SYNPR: variants seen among roughly 807,000 people sequenced by gnomAD.
The protein encoded by SYNPR is synaptoporin.
SYNPR carries 23 observed loss-of-function variants against 32.9 expected under a neutral mutation model. The ratio of observed to expected loss-of-function variants is 0.70; its 90% CI spans 0.50 to 0.99. The LOEUF (loss-of-function observed/expected upper bound fraction) is 0.99. SYNPR is among the 50% of genes least tolerant of loss of function. The pLI, the probability that SYNPR is intolerant of heterozygous loss-of-function variation, is 0.00. For synonymous variants in SYNPR, 146 were observed against 135.9 expected, an observed-to-expected ratio of 1.07 and a Z score of -0.52; for missense variants, 318 against 349.3, an observed-to-expected ratio of 0.91 and a Z score of 0.71.
intron 2 of SYNPR, among the ~76,000 whole-genome samples, chr3:63,437,434 C>T (rs889035073): frequency 2.0e-5 from 3 of 151,920 alleles, no homozygotes; most frequent in East Asian, 3.9e-4. Flanking sequence ...TTGTGTTAGT[C>T]GGGTTTCAGG....
At chr3:63,274,164 C>G (rs895474880), upstream of SYNPR, among the ~76,000 whole-genome samples, 1 of 152,126 alleles carries the variant, frequency 6.6e-6, no homozygotes, top group African/African-American at 2.4e-5. Flanking sequence ...AGTGTTTCCT[C>G]CTGTATTAAG....
upstream of SYNPR, among the ~76,000 whole-genome samples, chr3:63,276,598 C>G (rs1041531919): frequency 2.6e-5 from 4 of 151,562 alleles, no homozygotes; most frequent in African/African-American, 9.7e-5. Context: ...AGGGTACACA[C>G]TAAGTAATTG....
chr3:63,370,180 G>A (rs975824220), intron 2 of SYNPR, among the ~76,000 whole-genome samples: 6 of 152,166 alleles, frequency 3.9e-5, no homozygotes, highest in African/African-American at 9.6e-5. Context: ...TCCACATGAA[G>A]TGGACATGTT....
At chr3:63,568,762 G>C (rs1317098873) in intron 4 of SYNPR, among the ~76,000 whole-genome samples, 5 of 152,148 alleles carry the variant, frequency 3.3e-5, no homozygotes, top group African/African-American at 1.2e-4. Context: ...TTACCAAGAA[G>C]AAATTGAGGC....
chr3:63,250,436 G>A (rs1456731282), intron 1 of SYNPR, among the ~76,000 whole-genome samples: 2 of 152,114 alleles, frequency 1.3e-5, no homozygotes, highest in Non-Finnish European at 2.9e-5. Context: ...CCTTTCTGAA[G>A]TGCCTGCTAT....
intron 1 of SYNPR, among the ~76,000 whole-genome samples, chr3:63,242,875 C>T (rs796375113): frequency 1.3e-5 from 2 of 151,834 alleles, no homozygotes; most frequent in African/African-American, 4.8e-5. Flanking sequence ...ATGAATAGTA[C>T]AGGTTTGAAA....
Position 63,363,956 on chromosome 3 carries a change from TCAC to T in SYNPR, c.84+85218_84+85220del, listed in dbSNP as rs1328571170. Among the ~76,000 whole-genome samples the T allele has an allele frequency of 8.5e-5, 13 of 152,334 alleles. No individual in the cohort carries two copies. The East Asian group carries it at 2.5e-3, about 29-fold the overall frequency. On this transcript the variant is annotated intron_variant, in intron 2 of 5. Coordinates refer to ENST00000478300, the MANE Select transcript of SYNPR (RefSeq NM_001130003.2). The stretch of plus-strand genomic sequence containing the variant: ...ATATTAAGTATGAAAAGGAAATTTA[TCAC>T]CACAACCTTATTACTTCTATTGTCC...
intron 2 of SYNPR, chr3:63,330,213 G>T (rs1046658742): frequency 6.6e-6 from 1 of 152,078 alleles, no homozygotes; most frequent in African/African-American, 2.4e-5. Flanking sequence ...TGACTGGACT[G>T]GGTCAGTTTC....
Position 63,609,265 on chromosome 3 carries a change from C to T in SYNPR, c.549C>T (p.Asn183=), listed in dbSNP as rs200360020. Residue 183 remains asparagine, a synonymous_variant, in exon 5 of 6, where the codon AAC becomes AAT. Transcript: ENST00000478300. ...LLMSACKQPS[N]KCMAIHSPVM... Reference sequence around the variant, plus strand: ...TGTCAGCTTGCAAACAGCCATCCAACAAATGCATGGCTATCCACAGCCCTG... The same window carrying T: ...TGTCAGCTTGCAAACAGCCATCCAATAAATGCATGGCTATCCACAGCCCTG... The T allele has an allele frequency of 2.2e-3, 3,523 of 1,604,934 alleles. 7 individuals are homozygous for T. Among genetic ancestry groups the T allele is most frequent in the Non-Finnish European group, 2.8e-3 (3,331 of 1,175,350 alleles).
chr3:63,355,995 GC>G (rs1316082437), intron 2 of SYNPR, among the ~76,000 whole-genome samples: 1 of 152,148 alleles, frequency 6.6e-6, no homozygotes, highest in African/African-American at 2.4e-5. Context: ...GATCTTCTCT[GC>G]CCCTTTTCAG....
intron 4 of SYNPR, among the ~76,000 whole-genome samples, chr3:63,571,460 G>A (rs944216600): frequency 2.6e-5 from 4 of 151,924 alleles, no homozygotes; most frequent in Non-Finnish European, 4.4e-5. Flanking sequence ...ACGCTTATCT[G>A]TTTTCTGGTT....
At chr3:63,474,694 G>T (rs1177515292) in intron 2 of SYNPR, among the ~76,000 whole-genome samples, 4 of 152,060 alleles carry the variant, frequency 2.6e-5, no homozygotes, top group Admixed American at 2.6e-4. Flanking sequence ...TTGTTTGTTG[G>T]CAAACTCAAC....
At chr3:63,408,879 C>A (rs2088424488) in intron 2 of SYNPR, among the ~76,000 whole-genome samples, 1 of 152,094 alleles carries the variant, frequency 6.6e-6, no homozygotes, top group African/African-American at 2.4e-5. Flanking sequence ...CAAGTTGACA[C>A]CTAAAGTTAA....
chr3:63,484,127 A>C (rs1190472017), intron 3 of SYNPR, among the ~76,000 whole-genome samples: 1 of 152,206 alleles, frequency 6.6e-6, no homozygotes, highest in Non-Finnish European at 1.5e-5. Flanking sequence ...AATATGCCGA[A>C]GTGCATATCT....
chr3:63,283,857 G>C (rs1364371451), intron 2 of SYNPR, among the ~76,000 whole-genome samples: 1 of 126,838 alleles, frequency 7.9e-6, no homozygotes, highest in Non-Finnish European at 1.6e-5. Context: ...TCGCTAGGCT[G>C]CCCAGGCTGG....
Position 63,467,448 on chromosome 3 carries a change from T to A in SYNPR, c.85-13384T>A, listed in dbSNP as rs1045609664. ...TCCTTTTGGTATAGTTATAAACTCA[T>A]GAATTTAAACTATCTTTATCTGTGT... is the stretch of plus-strand genomic sequence containing the variant. On this transcript the variant is annotated intron_variant, in intron 2 of 5. Transcript: ENST00000478300. 4.6e-5 allele frequency among the ~76,000 whole-genome samples: 7 copies of A among 152,352 alleles called. No individual in the cohort carries two copies. In the South Asian group the frequency reaches 1.4e-3, roughly 32 times the overall value.
At chr3:63,498,059 T>G (rs978059743) in intron 3 of SYNPR, among the ~76,000 whole-genome samples, 3 of 152,164 alleles carry the variant, frequency 2.0e-5, no homozygotes, top group African/African-American at 7.2e-5. Flanking sequence ...CTCAGAGACG[T>G]GTTGAACTTT....
intron 2 of SYNPR, among the ~76,000 whole-genome samples, chr3:63,382,918 G>A (rs2087990486): frequency 6.6e-6 from 1 of 152,140 alleles, no homozygotes; most frequent in Admixed American, 6.5e-5. Flanking sequence ...TTGGATGGTT[G>A]TATTCTTTTG....
At chr3:63,358,919 GCACTTTAAAATCCGCCTCTTC>G (rs2087620657) in intron 2 of SYNPR, among the ~76,000 whole-genome samples, 1 of 152,134 alleles carries the variant, frequency 6.6e-6, no homozygotes, top group African/African-American at 2.4e-5. Flanking sequence ...TTGAACATAA[GCACTTTAAAATCCGCCTCTTC>G]CACTTTAAAA....
Sources: gnomAD v4.1 joint callset for allele counts (sites outside exome capture counted in the v4.1 genomes callset) on GRCh38, gnomAD v4.1.1 for gene constraint, MANE v1.5 for transcripts, NCBI Gene and HGNC (gene_info 2026-07-23, HGNC 2026-07-21) for gene names.